CNTNAP2: variants seen among roughly 807,000 people sequenced by gnomAD.
CNTNAP2 encodes the protein contactin-associated protein-like 2.
In CNTNAP2, 98 loss-of-function variants were observed where a neutral mutation model predicts 155.2. The ratio of observed to expected loss-of-function variants is 0.63; its 90% CI spans 0.54 to 0.75. CNTNAP2 has a LOEUF of 0.75. Ranked by LOEUF, CNTNAP2 falls within the 30% of genes least tolerant of loss-of-function variation. The pLI is 0.00. For synonymous variants in CNTNAP2, 651 were observed against 631.2 expected, an observed-to-expected ratio of 1.03 and a Z score of -0.47; for missense variants, 1,727 against 1,688.1, an observed-to-expected ratio of 1.02 and a Z score of -0.40.
At chr7:147,023,572 A>G (rs758049239) in intron 3 of CNTNAP2, among the ~76,000 whole-genome samples, 2 of 152,274 alleles carry the variant, frequency 1.3e-5, no homozygotes, top group African/African-American at 2.4e-5. Context: ...GTAGCCTCAC[A>G]TACTTCCACT....
intron 1 of CNTNAP2, among the ~76,000 whole-genome samples, chr7:146,581,495 C>A (rs1026341332): frequency 6.6e-6 from 1 of 151,676 alleles, no homozygotes; most frequent in Non-Finnish European, 1.5e-5. Context: ...ATTTTAACTG[C>A]GGATAGAATA....
chr7:146,346,710 G>GA (rs200681862), intron 1 of CNTNAP2, among the ~76,000 whole-genome samples: 9 of 148,998 alleles, frequency 6.0e-5, no homozygotes, highest in Non-Finnish European at 7.5e-5. Flanking sequence ...CGGTCCAAAG[G>GA]AAAAAAAAAG....
intron 9 of CNTNAP2, among the ~76,000 whole-genome samples, chr7:147,316,905 TG>T (rs1795243668): frequency 6.6e-6 from 1 of 152,188 alleles, no homozygotes. Flanking sequence ...CTTATTGCAA[TG>T]GGGATAAAAT....
chr7:146,306,005 C>T (rs1037053202), intron 1 of CNTNAP2, among the ~76,000 whole-genome samples: 23 of 151,642 alleles, frequency 1.5e-4, no homozygotes, highest in African/African-American at 4.6e-4. Flanking sequence ...GCTAGCAAGA[C>T]AAATAAAGGA....
At chr7:148,226,664 G>A (rs183355718) in intron 19 of CNTNAP2, among the ~76,000 whole-genome samples, 27 of 152,276 alleles carry the variant, frequency 1.8e-4, no homozygotes, top group African/African-American at 2.2e-4. Context: ...ATGAGCATGC[G>A]CACTACTTCA....
intron 8 of CNTNAP2, among the ~76,000 whole-genome samples, chr7:147,145,705 G>A (rs1297217769): frequency 2.0e-5 from 3 of 152,052 alleles, no homozygotes; most frequent in Admixed American, 1.3e-4. Flanking sequence ...ATGTTGTTAT[G>A]GTTTCCTGTT....
chr7:146,740,124 C>G (rs1338278197), intron 1 of CNTNAP2, among the ~76,000 whole-genome samples: 1 of 151,930 alleles, frequency 6.6e-6, no homozygotes. Flanking sequence ...GTTTCATAAG[C>G]TTTTTTTCAG....
chr7:148,385,645 ACTTG>A (rs932649188), intron 22 of CNTNAP2, among the ~76,000 whole-genome samples: 9 of 151,690 alleles, frequency 5.9e-5, no homozygotes, highest in African/African-American at 1.9e-4. Context: ...TTAATTAGGA[ACTTG>A]TTTGTTAAGA....
intron 1 of CNTNAP2, among the ~76,000 whole-genome samples, chr7:146,191,135 A>C (rs1008331704): frequency 6.6e-6 from 1 of 152,156 alleles, no homozygotes; most frequent in Non-Finnish European, 1.5e-5. Flanking sequence ...ACCCCTGATA[A>C]TTCAACGTAG....
Position 148,334,916 on chromosome 7 carries a change from G to T in CNTNAP2, c.3476-48733G>T, listed in dbSNP as rs140192415. Among the ~76,000 whole-genome samples the T allele has an allele frequency of 4.3e-3, 655 of 152,280 alleles. 7 individuals carry two copies. The highest frequency in any genetic ancestry group is 0.015 in the African/African-American group (619 of 41,560). On this transcript the variant is annotated intron_variant, in intron 21 of 23. Coordinates refer to ENST00000361727, the MANE Select transcript of CNTNAP2 (RefSeq NM_014141.6). ...CAAGACTCTAATTTTAGAGGGCAGT[G>T]TTTGCAGATCCTACCAATGACTCTT...
At chr7:146,395,826 G>GATAGATAGATAGAGGA (rs1563068432) in intron 1 of CNTNAP2, among the ~76,000 whole-genome samples, 2 of 116,766 alleles carry the variant, frequency 1.7e-5, no homozygotes, top group African/African-American at 3.0e-5. Flanking sequence ...GATAGATAGA[G>GATAGATAGATAGAGGA]GAGAGAGAGA....
chr7:146,709,958 A>G (rs890224246), intron 1 of CNTNAP2, among the ~76,000 whole-genome samples: 6 of 152,166 alleles, frequency 3.9e-5, no homozygotes, highest in South Asian at 2.1e-4. Context: ...ATTGTATAGG[A>G]GAGACTCAAT....
chr7:148,248,203 ATT>A (rs35875873), intron 20 of CNTNAP2, among the ~76,000 whole-genome samples: 52 of 147,670 alleles, frequency 3.5e-4, no homozygotes, highest in South Asian at 1.5e-3. Flanking sequence ...CTGTTCTATA[ATT>A]TTTTTTTTTT....
chr7:146,793,389 A>T (rs1802708369), intron 2 of CNTNAP2, among the ~76,000 whole-genome samples: 1 of 152,232 alleles, frequency 6.6e-6, no homozygotes, highest in Non-Finnish European at 1.5e-5. Context: ...GCCAAGTCTG[A>T]GTAGCCACAG....
chr7:147,754,153 A>C (rs923724275), intron 13 of CNTNAP2, among the ~76,000 whole-genome samples: 1 of 152,224 alleles, frequency 6.6e-6, no homozygotes, highest in Non-Finnish European at 1.5e-5. Context: ...ATTGAAAATC[A>C]AAAAGAATAA....
intron 13 of CNTNAP2, among the ~76,000 whole-genome samples, chr7:147,674,001 G>T (rs138882578): frequency 6.6e-6 from 1 of 152,010 alleles, no homozygotes; most frequent in Non-Finnish European, 1.5e-5. Context: ...AAATGTAAAT[G>T]GTGTATCATT....
At position 148,215,513 on chromosome 7, in the gene CNTNAP2, C is replaced by CTTTTT. The variant is rs11351735; in HGVS notation, c.3011-1763_3011-1759dup. Among the ~76,000 whole-genome samples the CTTTTT allele has an allele frequency of 8.2e-3, 1,174 of 143,592 alleles. 17 individuals are homozygous for CTTTTT. Among genetic ancestry groups the CTTTTT allele is most frequent in the African/African-American group, 0.029 (1,119 of 39,052 alleles). The allele number at this position is 143,592 out of a possible 152,430, so 94.2% of individuals were successfully genotyped here. A position where few individuals can be genotyped will look rare whatever the true frequency, so the allele number is the denominator to read the frequency against. On this transcript the variant is annotated intron_variant, in intron 18 of 23. Coordinates refer to ENST00000361727, the MANE Select transcript of CNTNAP2 (RefSeq NM_014141.6). The stretch of plus-strand genomic sequence containing the variant: ...CCCCAGCTCCATTTCTCAGGGCTTT[C>CTTTTT]TTTTTTTTTTTTTTTTAACATTAGT...
chr7:146,610,259 G>C (rs192745722), intron 1 of CNTNAP2, among the ~76,000 whole-genome samples: 1 of 152,154 alleles, frequency 6.6e-6, no homozygotes, highest in African/African-American at 2.4e-5. Flanking sequence ...TCTCCTAGGA[G>C]AGAGCAGAGC....
rs1404994251 is a variant in CNTNAP2 at position 147,022,509 on chromosome 7, T to C, written c.403-21398T>C. ...TATATATTTATAACACATATATATG[T>C]ACTCTATATACACATATATTGTACT... On this transcript the variant is annotated intron_variant, in intron 3 of 23. Transcript: ENST00000361727. Among the ~76,000 whole-genome samples, 4 of 152,090 alleles carry C rather than the reference T, an allele frequency of 2.6e-5. No homozygotes were observed. In the East Asian group the frequency reaches 7.7e-4, roughly 29 times the overall value.
Sources: allele counts gnomAD v4.1 joint callset (sites outside exome capture counted in the v4.1 genomes callset), GRCh38; gene constraint gnomAD v4.1.1; transcripts MANE v1.5; gene names NCBI Gene and HGNC (gene_info 2026-07-23, HGNC 2026-07-21).